Variants in NUTM1 observed in about 807,000 individuals in gnomAD.
NUTM1 encodes the protein NUT midline carcinoma family member 1, also known as NUT family member 1.
NUTM1 carries 39 observed loss-of-function variants against 88.7 expected under a neutral mutation model. The observed-to-expected ratio is 0.44, with a 90% CI of 0.34 to 0.57. The LOEUF is 0.57. Ranked by LOEUF, NUTM1 falls within the 20% of genes least tolerant of loss-of-function variation. The pLI is 0.01. For missense variants in NUTM1, 1,350 were observed against 1,414.5 expected, an observed-to-expected ratio of 0.95 and a Z score of 0.73; for synonymous variants, 494 against 538.0, an observed-to-expected ratio of 0.92 and a Z score of 1.13.
intron 4 of NUTM1, 22 bp from the exon 5 acceptor site, chr15:34,353,714 A>G (rs2140158389): frequency 6.2e-7 from 1 of 1,613,864 alleles, no homozygotes. Flanking sequence ...AGCATTGCCT[A>G]TGCCTTTCTC....
At position 34,348,474 on chromosome 15, in the gene NUTM1, C is replaced by T; in HGVS notation, c.606C>T (p.Pro202=). 6.2e-7 allele frequency: 1 copy of T among 1,614,146 alleles called. No homozygotes were observed. Among genetic ancestry groups the T allele is most frequent in the Non-Finnish European group, 8.5e-7 (1 of 1,179,990 alleles). ...TTGCTCAACTGGTCCCCATTGTGCC[C>T]CTGGAAAAAGCTTGGCCAGGGCCAC... The part of the protein sequence containing the change: ...PPVAQLVPIV[P]LEKAWPGPHG... The change falls in exon 3 of 8, where the codon CCC becomes CCT. Residue 202 remains proline, a synonymous_variant. Coordinates refer to ENST00000537011, the MANE Select transcript of NUTM1 (RefSeq NM_001284292.2).
Position 34,348,666 on chromosome 15 carries a change from C to T in NUTM1, c.798C>T (p.Ser266=). 1.0e-5 allele frequency: 16 copies of T among 1,602,106 alleles called. No individual in the cohort carries two copies. The highest frequency in any genetic ancestry group is 1.2e-5 in the Non-Finnish European group (14 of 1,176,964). ...AGAGTCCTGACACAGAAGCTCTTTC[C>T]TGTTTTCTTATGTAAGTGGGGAGAC... ...LSQSPDTEAL[S]CFLIPVLRSL... is the part of the protein sequence containing the mutation. Residue 266 remains serine (S), a synonymous_variant, in exon 3 of 8, where the codon TCC becomes TCT. Coordinates refer to ENST00000537011, the MANE Select transcript of NUTM1 (RefSeq NM_001284292.2).
At position 34,343,666 on chromosome 15, in the gene NUTM1, G is replaced by C; in HGVS notation, c.-31G>C. On this transcript the variant is annotated 5_prime_UTR_variant, in exon 1 of 8. Transcript: ENST00000537011. ...GCGGTCGAACCAAGATTTAAAGTTA[G>C]GTCCCTACCGCAAATTCAGCGCTCT... 6.5e-7 allele frequency: 1 copy of C among 1,533,428 alleles called. No homozygotes were observed. Among genetic ancestry groups the C allele is most frequent in the Non-Finnish European group, 8.7e-7 (1 of 1,144,890 alleles). 95.0% of individuals were successfully genotyped at this position (1,533,428 alleles called of 1,614,324 possible). A position where few individuals can be genotyped will look rare whatever the true frequency, so the allele number is the denominator to read the frequency against.
rs1269253253 is a variant in NUTM1, at chr15:34,350,844, G to C, written c.938+12G>C. 7 of 1,613,902 alleles carry C rather than the reference G, an allele frequency of 4.3e-6. No individual in the cohort carries two copies. The South Asian group carries it at 7.7e-5, about 18-fold the overall frequency. ...GAGATGGCAGAAAGGTGAGTTCGAT[G>C]AACCTTCATTCTCCTGAGGGAGGCT... is the stretch of plus-strand genomic sequence containing the variant. On this transcript the variant is annotated intron_variant, in intron 4 of 7. Coordinates refer to ENST00000537011, the MANE Select transcript of NUTM1 (RefSeq NM_001284292.2).
chr15:34,347,255 A>G (rs1890609570), intron 2 of NUTM1, among the ~76,000 whole-genome samples: 2 of 133,996 alleles, frequency 1.5e-5, no homozygotes, highest in South Asian at 5.1e-4. Context: ...TCATCTCTAC[A>G]ATTTTTCTTT....
In NUTM1 at chr15:34,357,430, G is replaced by A. The variant is rs2279685; in HGVS notation, c.3422G>A (p.Arg1141His). ...GGAGTAGTTCGACCCTCACAGCCTC[G>A]TAAAAGGCGGTGTGACAGTTTTGTC... ...ALGVVRPSQPRKRRCDSFVTG... is the reference protein window; with the variant it reads ...ALGVVRPSQPHKRRCDSFVTG... The change falls in exon 8 of 8, where the codon CGT becomes CAT. Residue 1141 changes from arginine (R) to histidine (H), a missense_variant. By Grantham distance (29) the Arg-to-His change is conservative. Coordinates refer to ENST00000537011, the MANE Select transcript of NUTM1 (RefSeq NM_001284292.2). The A allele has an allele frequency of 0.085, 136,622 of 1,613,380 alleles. 8,161 individuals carry two copies. The highest frequency in any genetic ancestry group is 0.29 in the East Asian group (13,155 of 44,848).
chr15:34,356,462 C>T lies in NUTM1; in HGVS notation c.2454C>T (p.Gly818=). The change falls in exon 8 of 8, where the codon GGC becomes GGT. Residue 818 remains glycine, a synonymous_variant. Coordinates refer to ENST00000537011, the MANE Select transcript of NUTM1 (RefSeq NM_001284292.2). ...DTESSVIPCG[G]TVAAAALEKR... ...AGAGCAGTGTGATTCCCTGTGGAGG[C>T]ACAGTTGCGGCAGCTGCCCTAGAAA... The T allele has an allele frequency of 6.2e-7, 1 of 1,612,598 alleles. No individual in the cohort carries two copies.
chr15:34,347,818 A>G (rs1001348502), intron 2 of NUTM1, 151 bp from the exon 3 acceptor site: 24 of 450,968 alleles, frequency 5.3e-5, no homozygotes, highest in Non-Finnish European at 8.7e-5. Flanking sequence ...GTGCCACTGC[A>G]CTCCAGCCTG....
At chr15:34,351,434 G>A (rs1890708201) in intron 4 of NUTM1, among the ~76,000 whole-genome samples, 1 of 151,006 alleles carries the variant, frequency 6.6e-6, no homozygotes, top group Non-Finnish European at 1.5e-5. Context: ...GAGGGGTGTA[G>A]ACTAGGATGG....
chr15:34,350,375 T>C (rs981041598), intron 3 of NUTM1, among the ~76,000 whole-genome samples: 2 of 152,256 alleles, frequency 1.3e-5, no homozygotes, highest in Non-Finnish European at 1.5e-5. Context: ...ATTCATTTAA[T>C]AACGCGAGTC....
At chr15:34,349,398 A>G (rs778876162) in intron 3 of NUTM1, among the ~76,000 whole-genome samples, 12 of 152,214 alleles carry the variant, frequency 7.9e-5, no homozygotes, top group Non-Finnish European at 1.3e-4. Flanking sequence ...GGCGCAGAGA[A>G]TGTTTCATTA....
Position 34,343,482 on chromosome 15 carries a change from T to A in NUTM1, c.-215T>A. The A allele has an allele frequency of 8.9e-7, 1 of 1,118,464 alleles. No individual in the cohort carries two copies. Among genetic ancestry groups the A allele is most frequent in the Admixed American group, 2.6e-5 (1 of 39,042 alleles). 69.3% of individuals were successfully genotyped at this position (1,118,464 alleles called of 1,614,324 possible). A position where few individuals can be genotyped will look rare whatever the true frequency, so the allele number is the denominator to read the frequency against. On this transcript the variant is annotated 5_prime_UTR_variant, in exon 1 of 8. An upstream open reading frame in the 5' UTR loses its in-frame stop. Coordinates refer to ENST00000537011, the MANE Select transcript of NUTM1 (RefSeq NM_001284292.2). ...TCCAGGATTCAGAGCCCCTTTACCCTAGGGAAGAAAGAAGAGGTTTTCTTC... is the reference window on the plus strand; with the variant it reads ...TCCAGGATTCAGAGCCCCTTTACCCAAGGGAAGAAAGAAGAGGTTTTCTTC...
chr15:34,347,436 T>A (rs765361444), intron 2 of NUTM1, among the ~76,000 whole-genome samples: 6 of 152,064 alleles, frequency 3.9e-5, no homozygotes, highest in Non-Finnish European at 8.8e-5. Flanking sequence ...TTTCGTATTT[T>A]TAATGGAGAC....
At chr15:34,347,765 A>G (rs1890623115) in intron 2 of NUTM1, among the ~76,000 whole-genome samples, 1 of 152,098 alleles carries the variant, frequency 6.6e-6, no homozygotes, top group African/African-American at 2.4e-5. Flanking sequence ...AGGCAGGAGA[A>G]TGGCATGAAC....
chr15:34,357,067 A>G lies in NUTM1; in HGVS notation c.3059A>G (p.Lys1020Arg). The change falls in exon 8 of 8, where the codon AAA becomes AGA. Residue 1020 changes from lysine to arginine, a missense_variant. Coordinates refer to ENST00000537011, the MANE Select transcript of NUTM1 (RefSeq NM_001284292.2). Reference protein sequence around the residue: ...AIVPRETSVSKTHRSADRAKG... With the variant: ...AIVPRETSVSRTHRSADRAKG... ...GTTCCGAGAGAAACTTCTGTTAGTA[A>G]AACACACAGGTCAGCAGACAGGGCC... 1 of 1,614,080 alleles carries G rather than the reference A, an allele frequency of 6.2e-7. No individual in the cohort carries two copies. Among genetic ancestry groups the G allele is most frequent in the South Asian group, 1.1e-5 (1 of 91,070 alleles).
chr15:34,347,794 A>T (rs1281465731), intron 2 of NUTM1, among the ~76,000 whole-genome samples, 175 bp from the exon 3 acceptor site: 1 of 152,130 alleles, frequency 6.6e-6, no homozygotes, highest in Non-Finnish European at 1.5e-5. Flanking sequence ...CGGAGATTGC[A>T]GTGAGCCGAG....
intron 1 of NUTM1, among the ~76,000 whole-genome samples, chr15:34,344,877 G>T (rs1048899494): frequency 1.3e-5 from 2 of 152,104 alleles, no homozygotes; most frequent in African/African-American, 4.8e-5. Flanking sequence ...AATTAGCCGG[G>T]CATGGTGGTG....
chr15:34,356,902 A>C lies in NUTM1; in HGVS notation c.2894A>C (p.Asp965Ala). The change falls in exon 8 of 8, where the codon GAT becomes GCT. Residue 965 changes from aspartate (D) to alanine (A), a missense_variant. Coordinates refer to ENST00000537011, the MANE Select transcript of NUTM1 (RefSeq NM_001284292.2). ...GACCCCCAAGGAGAAGGCAGGGTGG[A>C]TCCTGATCTGTCCAAGCCTAAAAAC... ...SYDPQGEGRV[D>A]PDLSKPKNLA... is the part of the protein sequence containing the mutation. The C allele has an allele frequency of 6.2e-7, 1 of 1,613,454 alleles. No homozygotes were observed. The highest frequency in any genetic ancestry group is 8.5e-7 in the Non-Finnish European group (1 of 1,179,914).
At chr15:34,348,935 A>G (rs1890659053) in intron 3 of NUTM1, among the ~76,000 whole-genome samples, 2 of 152,156 alleles carry the variant, frequency 1.3e-5, no homozygotes, top group African/African-American at 4.8e-5. Context: ...TCCTCTGGTA[A>G]TCTTCATTTA....
Sources: allele counts gnomAD v4.1 joint callset (sites outside exome capture counted in the v4.1 genomes callset), GRCh38; gene constraint gnomAD v4.1.1; transcripts MANE v1.5; gene names NCBI Gene and HGNC (gene_info 2026-07-23, HGNC 2026-07-21).